NPLOC4: variants seen among roughly 807,000 people sequenced by gnomAD.
NPLOC4 encodes the protein NPL4 homolog, ubiquitin recognition factor.
In NPLOC4, 18 loss-of-function variants were observed where a neutral mutation model predicts 80.6. The ratio of observed to expected loss-of-function variants is 0.22; its 90% CI spans 0.15 to 0.33. NPLOC4 has a LOEUF of 0.33. NPLOC4 is among the 10% of genes least tolerant of loss of function. NPLOC4 has a pLI of 1.00. For synonymous variants in NPLOC4, 313 were observed against 301.5 expected, an observed-to-expected ratio of 1.04 and a Z score of -0.39; for missense variants, 540 against 786.1, an observed-to-expected ratio of 0.69 and a Z score of 3.74.
intron 3 of NPLOC4, chr17:81,614,210 G>C (rs1313792178): frequency 7.1e-6 from 1 of 139,872 alleles, no homozygotes; most frequent in Non-Finnish European, 1.5e-5. Flanking sequence ...CCAGGAGGCG[G>C]AGGTTACAGT....
intron 2 of NPLOC4, among the ~76,000 whole-genome samples, chr17:81,629,521 G>T (rs1353631556): frequency 3.9e-5 from 6 of 152,046 alleles, no homozygotes; most frequent in African/African-American, 4.8e-5. Flanking sequence ...TTGGGCTCTT[G>T]GTCCTATAAT....
intron 12 of NPLOC4, among the ~76,000 whole-genome samples, chr17:81,576,375 T>C (rs775450846): frequency 7.9e-5 from 12 of 152,132 alleles, no homozygotes; most frequent in Non-Finnish European, 1.3e-4. Flanking sequence ...CAAACACAGA[T>C]TGAAAATACA....
intron 1 of NPLOC4, among the ~76,000 whole-genome samples, chr17:81,631,463 C>CCCG (rs1465668129): frequency 1.7e-5 from 1 of 57,682 alleles, no homozygotes; most frequent in East Asian, 3.2e-3. Flanking sequence ...TTTTTTTTTT[C>CCCG]CCCCACGGCA....
At chr17:81,596,451 T>TA (rs1041595484) in intron 10 of NPLOC4, among the ~76,000 whole-genome samples, 3 of 151,738 alleles carry the variant, frequency 2.0e-5, no homozygotes, top group Non-Finnish European at 4.4e-5. Flanking sequence ...CTACTAAAAA[T>TA]AAAAAAATTA....
chr17:81,585,170 CAAAAAAAAAAAA>C (rs35473939), intron 12 of NPLOC4, among the ~76,000 whole-genome samples: 2 of 40,884 alleles, frequency 4.9e-5, no homozygotes, highest in Non-Finnish European at 7.3e-5. Context: ...ACTCTGTCGC[CAAAAAAAAAAAA>C]AAAAAAAAAA....
chr17:81,613,977 C>CT (rs1052877409), intron 3 of NPLOC4, among the ~76,000 whole-genome samples: 2 of 152,052 alleles, frequency 1.3e-5, no homozygotes, highest in African/African-American at 4.8e-5. Context: ...GCTGTCACTG[C>CT]TTTTAAAAAG....
chr17:81,576,490 T>C (rs1279889470), intron 12 of NPLOC4, among the ~76,000 whole-genome samples: 2 of 152,136 alleles, frequency 1.3e-5, no homozygotes, highest in African/African-American at 4.8e-5. Flanking sequence ...CTTGACTATA[T>C]ATGGAGGTCC....
intron 15 of NPLOC4, chr17:81,566,657 A>G (rs1406947251): frequency 1.3e-5 from 2 of 152,330 alleles, no homozygotes; most frequent in Non-Finnish European, 2.9e-5. Context: ...AAGAACAGCT[A>G]TAGGCTTCCT....
chr17:81,563,079 CTTTT>C (rs1172733109), intron 16 of NPLOC4: 2 of 144,062 alleles, frequency 1.4e-5, no homozygotes, highest in Non-Finnish European at 1.5e-5. Context: ...AAGACCACAT[CTTTT>C]TTTTTTTTTT....
At chr17:81,602,031 C>T (rs913568890) in intron 8 of NPLOC4, among the ~76,000 whole-genome samples, 2 of 152,052 alleles carry the variant, frequency 1.3e-5, no homozygotes, top group African/African-American at 4.8e-5. Context: ...ACATATTATA[C>T]GTACAAAGAA....
At chr17:81,584,253 T>C (rs1315925912) in intron 12 of NPLOC4, among the ~76,000 whole-genome samples, 1 of 152,212 alleles carries the variant, frequency 6.6e-6, no homozygotes, top group East Asian at 1.9e-4. Flanking sequence ...CTGTCTCAAA[T>C]CCTACAGGGC....
intron 16 of NPLOC4, chr17:81,563,229 C>G (rs2033904042): frequency 6.6e-6 from 1 of 152,084 alleles, no homozygotes; most frequent in African/African-American, 2.4e-5. Flanking sequence ...CGCTCGCCAC[C>G]ATGCCCAGCT....
chr17:81,577,576 T>C lies in NPLOC4; in HGVS notation c.1282-5488A>G, dbSNP rs2034335292. ...CATCTACTTCTGGGTTAATTTAGGC[T>C]TTCTCCACAGATAGTCTGAAAAGGG... On this transcript the variant is annotated intron_variant, in intron 12 of 16. Coordinates refer to ENST00000331134, the MANE Select transcript of NPLOC4 (RefSeq NM_017921.4). This position sits in a 1 kb window ranked among gnomAD's most constrained non-coding sequence, Gnocchi z 4.3. 6.6e-6 allele frequency among the ~76,000 whole-genome samples: 1 copy of C among 152,158 alleles called. No individual in the cohort carries two copies.
At position 81,606,652 on chromosome 17, in the gene NPLOC4, G is replaced by A. The variant is rs116085601; in HGVS notation, c.654+39C>T. 4.1e-5 allele frequency: 65 copies of A among 1,595,210 alleles called. No homozygotes were observed. The African/African-American group carries it at 8.5e-4, about 21-fold the overall frequency. ...CTCTTCTGGAAATATCCGTTTCTCA[G>A]CCATGAAAACAAATCTAGACAGACA... On this transcript the variant is annotated intron_variant, in intron 7 of 16. Transcript: ENST00000331134.
At chr17:81,568,828 C>T (rs914184432) in intron 14 of NPLOC4, among the ~76,000 whole-genome samples, 188 bp downstream of exon 14, 13 of 152,198 alleles carry the variant, frequency 8.5e-5, no homozygotes, top group African/African-American at 2.2e-4. Flanking sequence ...CCTTTGTGGC[C>T]GTCCATCACC....
chr17:81,596,395 G>A (rs2034909241), intron 10 of NPLOC4, among the ~76,000 whole-genome samples, 153 bp from the exon 11 acceptor site: 1 of 152,074 alleles, frequency 6.6e-6, no homozygotes, highest in South Asian at 2.1e-4. Context: ...TCCACTTGAG[G>A]ACAAGAGTTC....
At position 81,608,826 on chromosome 17, in the gene NPLOC4, C is replaced by A; in HGVS notation, c.436-4G>T. 6.4e-7 allele frequency: 1 copy of A among 1,572,402 alleles called. No homozygotes were observed. Among genetic ancestry groups the A allele is most frequent in the Admixed American group, 1.9e-5 (1 of 53,408 alleles). ...TTAGATAGTCCTCATCGAATGGCTG[C>A]CAAGACACAGAGTAAGCGAGTGCAG... is the stretch of plus-strand genomic sequence containing the variant. On this transcript the variant is annotated splice_polypyrimidine_tract_variant and splice_region_variant and intron_variant, in intron 5 of 16. Transcript: ENST00000331134.
At chr17:81,594,848 T>C (rs1262937888) in intron 11 of NPLOC4, among the ~76,000 whole-genome samples, 2 of 151,518 alleles carry the variant, frequency 1.3e-5, no homozygotes, top group African/African-American at 4.8e-5. Flanking sequence ...TAGGAGGCTG[T>C]TGGGGTCGGA....
rs994537431 is a variant in NPLOC4 at position 81,589,001 on chromosome 17, C to A, written c.1224G>T (p.Glu408Asp). The A allele has an allele frequency of 1.2e-6, 2 of 1,613,932 alleles. No individual in the cohort carries two copies. The highest frequency in any genetic ancestry group is 1.7e-6 in the Non-Finnish European group (2 of 1,179,902). ...TGCTAGACTCCTTGGCGTAGCCAAGCTCCGGGGCGTCCTTGCATGGCAGCA... is the reference window on the plus strand; with the variant it reads ...TGCTAGACTCCTTGGCGTAGCCAAGATCCGGGGCGTCCTTGCATGGCAGCA... ...ECLLPCKDAP[E>D]LGYAKESSSE... Residue 408 changes from glutamate to aspartate, a missense_variant, in exon 12 of 17, where the codon GAG becomes GAT. Physicochemically the swap from Glu to Asp is conservative, Grantham distance 45. This residue lies in a region of NPLOC4 where 251 missense variants were observed against 377.5 expected (regional missense o/e 0.66). Transcript: ENST00000331134.
Sources: gnomAD v4.1 joint callset for allele counts (sites outside exome capture counted in the v4.1 genomes callset) on GRCh38, gnomAD v4.1.1 for gene constraint, gnomAD v4.1.1 regional missense constraint, Gnocchi (gnomAD v3.1) non-coding constraint, MANE v1.5 for transcripts, NCBI Gene and HGNC (gene_info 2026-07-23, HGNC 2026-07-21) for gene names.